The following FMN2 variants were observed in gnomAD, a reference collection of about 807,000 sequenced individuals.
FMN2 encodes formin 2, also known as formin-2.
A neutral mutation model predicts 142.3 loss-of-function variants in FMN2; 51 were observed. The observed-to-expected ratio is 0.36, with a 90% CI of 0.29 to 0.45. The LOEUF (loss-of-function observed/expected upper bound fraction) is 0.45, where lower values mean the gene tolerates loss of function less well. Among genes scored for constraint, FMN2 ranks in the 20% least tolerant of loss-of-function variants. The probability of loss-of-function intolerance (pLI) is 1.00; values close to 1 mark genes in which losing one functional copy is unlikely to be tolerated. For synonymous variants in FMN2, 882 were observed against 869.8 expected, an observed-to-expected ratio of 1.01 and a Z score of -0.25; for missense variants, 1,936 against 2,122.8, an observed-to-expected ratio of 0.91 and a Z score of 1.73.
intron 16 of FMN2, among the ~76,000 whole-genome samples, chr1:240,467,510 C>G (rs1356832753): frequency 6.6e-6 from 1 of 152,142 alleles, no homozygotes; most frequent in Middle Eastern, 3.2e-3. Flanking sequence ...TTGTGATCCA[C>G]CCTCCTCAGC....
rs1016559498 is a variant in FMN2 at position 240,175,586 on chromosome 1, C to T, written c.1783-2335C>T. Among the ~76,000 whole-genome samples, 3 of 123,180 alleles carry T rather than the reference C, an allele frequency of 2.4e-5. 1 individual carries two copies. The South Asian group carries it at 8.2e-4, about 34-fold the overall frequency. The allele number at this position is 123,180 out of a possible 152,430, so 80.8% of individuals were successfully genotyped here. On this transcript the variant is annotated intron_variant, in intron 2 of 17. Transcript: ENST00000319653. ...CATGGCTCACTGCAGCCTTGACTTCCGGGGCTCAAGTGATCCTCCCAAGTA... is the reference window on the plus strand; with the variant it reads ...CATGGCTCACTGCAGCCTTGACTTCTGGGGCTCAAGTGATCCTCCCAAGTA...
intron 5 of FMN2, among the ~76,000 whole-genome samples, chr1:240,210,277 C>T (rs1214262333): frequency 6.6e-6 from 1 of 152,184 alleles, no homozygotes; most frequent in Non-Finnish European, 1.5e-5. Flanking sequence ...CTCACTGGGG[C>T]TTCCTTGTTC....
chr1:240,398,311 T>C (rs532128044), intron 15 of FMN2, among the ~76,000 whole-genome samples: 24 of 152,304 alleles, frequency 1.6e-4, no homozygotes, highest in Admixed American at 3.9e-4. Context: ...GCCGGCGACA[T>C]CTTTTATATT....
At chr1:240,123,380 G>A in intron 2 of FMN2, 35 bp downstream of exon 2, 1 of 1,594,108 alleles carries the variant, frequency 6.3e-7, no homozygotes, top group Non-Finnish European at 8.6e-7. Context: ...CCGTGAGGCA[G>A]ATTTGCTGTG....
At chr1:240,174,915 A>G (rs1032170192) in intron 2 of FMN2, among the ~76,000 whole-genome samples, 33 of 152,316 alleles carry the variant, frequency 2.2e-4, no homozygotes, top group African/African-American at 7.0e-4. Context: ...TTGTTGTGCA[A>G]TCAACCTCCA....
chr1:240,224,523 A>G (rs892179116), intron 6 of FMN2, among the ~76,000 whole-genome samples: 1 of 152,164 alleles, frequency 6.6e-6, no homozygotes, highest in Non-Finnish European at 1.5e-5. Context: ...ATAGGACCAA[A>G]GATTTCAAGT....
intron 2 of FMN2, among the ~76,000 whole-genome samples, chr1:240,134,730 AT>A (rs1662871044): frequency 6.6e-6 from 1 of 152,126 alleles, no homozygotes; most frequent in South Asian, 2.1e-4. Context: ...TCTGGAATTA[AT>A]TTATTAGTCT....
chr1:240,223,828 A>C (rs1009551782), intron 6 of FMN2, among the ~76,000 whole-genome samples: 2 of 152,000 alleles, frequency 1.3e-5, no homozygotes, highest in Non-Finnish European at 2.9e-5. Flanking sequence ...ATCAGTGGTG[A>C]TATCCCCTTT....
At chr1:240,414,303 G>T (rs891016689) in intron 15 of FMN2, among the ~76,000 whole-genome samples, 3 of 152,220 alleles carry the variant, frequency 2.0e-5, no homozygotes, top group Admixed American at 6.5e-5. Context: ...TGATGAATGG[G>T]TAGGGTCATT....
intron 15 of FMN2, among the ~76,000 whole-genome samples, chr1:240,408,754 A>G (rs9287236): frequency 0.011 from 1,706 of 152,234 alleles, 38 homozygotes; most frequent in African/African-American, 0.037. Context: ...TAGTTTATGA[A>G]TCAATAAACT....
chr1:240,411,069 A>T (rs79058528), intron 15 of FMN2, among the ~76,000 whole-genome samples: 44 of 151,812 alleles, frequency 2.9e-4, no homozygotes, highest in Non-Finnish European at 6.0e-4. Context: ...TCCCCATCCT[A>T]CTTCTTCTTG....
chr1:240,352,369 G>A (rs1206139377), intron 13 of FMN2, among the ~76,000 whole-genome samples: 1 of 152,138 alleles, frequency 6.6e-6, no homozygotes, highest in Non-Finnish European at 1.5e-5. Flanking sequence ...ATCACCTGAG[G>A]TCAGGAGTTC....
chr1:240,126,702 C>T (rs1445524425), intron 2 of FMN2, among the ~76,000 whole-genome samples: 5 of 152,176 alleles, frequency 3.3e-5, no homozygotes, highest in Non-Finnish European at 2.9e-5. Context: ...AATTCATTCA[C>T]AGATTTTTAC....
chr1:240,441,612 T>TTTTTC (rs1675624742), intron 16 of FMN2, among the ~76,000 whole-genome samples: 1 of 146,866 alleles, frequency 6.8e-6, no homozygotes, highest in African/African-American at 2.6e-5. Context: ...ATTGGTCTTT[T>TTTTTC]TTTTTTTTTT....
intron 3 of FMN2, 101 bp downstream of exon 3, chr1:240,178,169 G>C (rs895694625): frequency 1.6e-6 from 2 of 1,282,954 alleles, no homozygotes; most frequent in Admixed American, 6.5e-5. Context: ...ATTTTTAATT[G>C]CATGGCATTC....
At chr1:240,443,535 A>G (rs10754701) in intron 16 of FMN2, among the ~76,000 whole-genome samples, 33,709 of 151,918 alleles carry the variant, frequency 0.22, 4,668 homozygotes, top group African/African-American at 0.39. Flanking sequence ...TGGGTGGATC[A>G]CAAGGTCAGG....
intron 13 of FMN2, among the ~76,000 whole-genome samples, chr1:240,337,205 T>TTTC (rs1254034118): frequency 2.2e-3 from 202 of 92,612 alleles, no homozygotes; most frequent in African/African-American, 0.01. Context: ...TTCCTTTTCT[T>TTTC]TTTTTTTTTT....
chr1:240,243,186 A>G (rs942840569), intron 6 of FMN2, among the ~76,000 whole-genome samples: 1 of 152,220 alleles, frequency 6.6e-6, no homozygotes, highest in Non-Finnish European at 1.5e-5. Flanking sequence ...GCAAAATCTC[A>G]TGCAAGCATT....
intron 7 of FMN2, among the ~76,000 whole-genome samples, chr1:240,265,567 TTAGAC>T (rs1395940251): frequency 6.8e-4 from 104 of 152,274 alleles, no homozygotes; most frequent in Admixed American, 1.8e-3. Flanking sequence ...CACCTTGATC[TTAGAC>T]TTCCCAGCTT....
Sources: gnomAD v4.1 joint callset for allele counts (sites outside exome capture counted in the v4.1 genomes callset) on GRCh38, gnomAD v4.1.1 for gene constraint, MANE v1.5 for transcripts, NCBI Gene and HGNC (gene_info 2026-07-23, HGNC 2026-07-21) for gene names.